The following NCKIPSD variants were observed in gnomAD, a reference collection of about 807,000 sequenced individuals.
NCKIPSD encodes NCK interacting protein with SH3 domain, also known as NCK-interacting protein with SH3 domain.
Under a neutral mutation model 73.4 loss-of-function variants are expected in NCKIPSD, and 48 were observed. The observed-to-expected ratio is 0.65, with a 90% confidence interval of 0.52 to 0.83. NCKIPSD has a LOEUF of 0.83. NCKIPSD is among the 40% of genes least tolerant of loss of function. The pLI is 0.00. For missense variants in NCKIPSD, 884 were observed against 970.2 expected, an observed-to-expected ratio of 0.91 and a Z score of 1.18; for synonymous variants, 422 against 403.6, an observed-to-expected ratio of 1.05 and a Z score of -0.54.
At chr3:48,679,504 A>C (rs1244028457) in intron 8 of NCKIPSD, 47 bp from the exon 9 acceptor site, 7 of 1,606,286 alleles carry the variant, frequency 4.4e-6, no homozygotes, top group Non-Finnish European at 6.0e-6. Context: ...GATGGCAGGA[A>C]ACCCCAGCAG....
Position 48,681,273 on chromosome 3 carries a change from C to A in NCKIPSD, c.1092+14G>T. On this transcript the variant is annotated intron_variant, in intron 5 of 12. Transcript: ENST00000294129. ...TGGGTAGCAGGGTGGCCCTGCTGTG[C>A]CGCCCACCCTCACCTTGCCCTCTAC... 1 of 1,567,390 alleles carries A rather than the reference C, an allele frequency of 6.4e-7. No individual in the cohort carries two copies. The highest frequency in any genetic ancestry group is 8.6e-7 in the Non-Finnish European group (1 of 1,161,182).
chr3:48,680,133 G>T lies in NCKIPSD; in HGVS notation c.1189C>A (p.Gln397Lys). 6.2e-7 allele frequency: 1 copy of T among 1,614,086 alleles called. No individual in the cohort carries two copies. Among genetic ancestry groups the T allele is most frequent in the Non-Finnish European group, 8.5e-7 (1 of 1,180,018 alleles). The change falls in exon 6 of 13, where the codon CAG (glutamine) becomes AAG (lysine). Residue 397 changes from glutamine to lysine, a missense_variant. Transcript: ENST00000294129. The part of the protein sequence containing the change: ...ADLARRKDDA[Q>K]QRSWALYEDE... ...TCATATAGTGCCCAACTGCGCTGCTGGGCGTCGTCCTTCCGGCGAGCCAGG... is the reference window on the plus strand; with the variant it reads ...TCATATAGTGCCCAACTGCGCTGCTTGGCGTCGTCCTTCCGGCGAGCCAGG...
chr3:48,678,659 T>G lies in NCKIPSD; in HGVS notation c.1870A>C (p.Ser624Arg), dbSNP rs758661166. The part of the protein sequence containing the change: ...VLKFLQDVFG[S>R]PATAAIFYHT... ...TAGAAGATGGCAGCTGTGGCCGGGC[T>G]GCCAAACACGTCCTGCAGGAACTTG... The change falls in exon 12 of 13, where the codon AGC (serine) becomes CGC (arginine). Residue 624 changes from serine (S) to arginine (R), a missense_variant. Ser to Arg is a moderately radical substitution (Grantham distance 110). Coordinates refer to ENST00000294129, the MANE Select transcript of NCKIPSD (RefSeq NM_016453.4). 1.5e-5 allele frequency: 24 copies of G among 1,614,096 alleles called. No individual in the cohort carries two copies. The highest frequency in any genetic ancestry group is 2.0e-5 in the Non-Finnish European group (24 of 1,180,046).
At chr3:48,681,903 A>G in intron 4 of NCKIPSD, 123 bp from the exon 5 acceptor site, 1 of 1,456,102 alleles carries the variant, frequency 6.9e-7, no homozygotes, top group Non-Finnish European at 9.1e-7. Flanking sequence ...CCTCCTCACA[A>G]AGCCCAGAGC....
chr3:48,682,701 A>G, intron 2 of NCKIPSD, 149 bp from the exon 3 acceptor site: 2 of 1,144,966 alleles, frequency 1.7e-6, no homozygotes, highest in Admixed American at 4.3e-5. Flanking sequence ...AGTACCCCAT[A>G]CTATCCTCAG....
At chr3:48,675,290 A>G (rs988468725) in intron 12 of NCKIPSD, among the ~76,000 whole-genome samples, 2 of 151,920 alleles carry the variant, frequency 1.3e-5, no homozygotes, top group Admixed American at 6.6e-5. Context: ...ACCTTTAGAA[A>G]GAGCACTGTT....
intron 12 of NCKIPSD, among the ~76,000 whole-genome samples, chr3:48,675,273 T>C (rs911585293): frequency 3.3e-5 from 5 of 151,986 alleles, no homozygotes; most frequent in African/African-American, 4.8e-5. Context: ...GGTTTTCTCA[T>C]GTTCTTACCT....
chr3:48,685,745 GC>G lies in NCKIPSD; in HGVS notation c.62del (p.Gly21AlafsTer7). On this transcript the variant is annotated frameshift_variant, in exon 1 of 13. Coordinates refer to ENST00000294129, the MANE Select transcript of NCKIPSD (RefSeq NM_016453.4). LOFTEE classifies it high-confidence loss of function. ...AEPNALAFAA[G>X]ETFLVLERSS... is the part of the protein sequence containing the mutation. ...TTCGCTCTAGCACCAGGAAGGTCTC[GC>G]CCGCGGCGAACGCCAGCGCGTTGGG... 1.3e-6 allele frequency: 2 copies of G among 1,532,070 alleles called. No individual in the cohort carries two copies. The highest frequency in any genetic ancestry group is 1.7e-6 in the Non-Finnish European group (2 of 1,147,640). 94.9% of individuals were successfully genotyped at this position (1,532,070 alleles called of 1,614,324 possible). A position where few individuals can be genotyped will look rare whatever the true frequency, so the allele number is the denominator to read the frequency against.
At chr3:48,678,788 G>A in intron 11 of NCKIPSD, 52 bp from the exon 12 acceptor site, 1 of 1,611,404 alleles carries the variant, frequency 6.2e-7, no homozygotes, top group Non-Finnish European at 8.5e-7. Flanking sequence ...GGATCCCAGA[G>A]TCACCCCAGG....
chr3:48,685,469 A>G (rs552265006), intron 1 of NCKIPSD, among the ~76,000 whole-genome samples, 168 bp downstream of exon 1: 1 of 152,184 alleles, frequency 6.6e-6, no homozygotes, highest in East Asian at 1.9e-4. Context: ...TTGGGGTCTC[A>G]GTCCCCGTGG....
intron 2 of NCKIPSD, 149 bp from the exon 3 acceptor site, chr3:48,682,701 A>T (rs1445937478): frequency 1.0e-5 from 12 of 1,144,846 alleles, no homozygotes; most frequent in Non-Finnish European, 1.4e-5. Context: ...AGTACCCCAT[A>T]CTATCCTCAG....
chr3:48,681,849 C>A, intron 4 of NCKIPSD, 69 bp from the exon 5 acceptor site: 2 of 1,459,568 alleles, frequency 1.4e-6, no homozygotes, highest in South Asian at 1.4e-5. Flanking sequence ...CAGCCCAGAT[C>A]CCCTGTCCCC....
Position 48,674,347 on chromosome 3 carries a change from C to T in NCKIPSD, c.*197G>A. ...CTTTAGCTTGCATATTCCCCCTGCC[C>T]CAGAACAGCTCCCAGACCATGGTCC... is the stretch of plus-strand genomic sequence containing the variant. On this transcript the variant is annotated 3_prime_UTR_variant, in exon 13 of 13. Coordinates refer to ENST00000294129, the MANE Select transcript of NCKIPSD (RefSeq NM_016453.4). 1 of 1,430,242 alleles carries T rather than the reference C, an allele frequency of 7.0e-7. No homozygotes were observed. 88.6% of individuals were successfully genotyped at this position (1,430,242 alleles called of 1,614,324 possible).
rs1483675413 is a variant in NCKIPSD at position 48,681,293 on chromosome 3, C to G, written c.1086G>C (p.Glu362Asp). Reference protein sequence around the residue: ...VMEQVLLSLVEGKDLSMALPS... With the variant: ...VMEQVLLSLVDGKDLSMALPS... ...CTGTGCCGCCCACCCTCACCTTGCCCTCTACGAGTGAGAGGAGGACCTGCT... is the reference window on the plus strand; with the variant it reads ...CTGTGCCGCCCACCCTCACCTTGCCGTCTACGAGTGAGAGGAGGACCTGCT... Residue 362 changes from glutamate to aspartate, a missense_variant, in exon 5 of 13, where the codon GAG becomes GAC. Coordinates refer to ENST00000294129, the MANE Select transcript of NCKIPSD (RefSeq NM_016453.4). The G allele has an allele frequency of 6.2e-7, 1 of 1,602,176 alleles. No individual in the cohort carries two copies. The highest frequency in any genetic ancestry group is 8.5e-7 in the Non-Finnish European group (1 of 1,176,566).
At chr3:48,674,964 T>C (rs1039938704) in intron 12 of NCKIPSD, among the ~76,000 whole-genome samples, 1 of 152,110 alleles carries the variant, frequency 6.6e-6, no homozygotes, top group African/African-American at 2.4e-5. Flanking sequence ...CAGCCCCAAG[T>C]ATGTGGCCTG....
intron 1 of NCKIPSD, among the ~76,000 whole-genome samples, chr3:48,684,223 GAC>G (rs2077400927): frequency 6.6e-6 from 1 of 152,102 alleles, no homozygotes; most frequent in Admixed American, 6.5e-5. Flanking sequence ...GACAGAAAGA[GAC>G]ACGCAGAAAG....
chr3:48,682,984 A>G lies in NCKIPSD; in HGVS notation c.200T>C (p.Ile67Thr), dbSNP rs2077380565. 1 of 1,551,172 alleles carries G rather than the reference A, an allele frequency of 6.4e-7. No individual in the cohort carries two copies. Among genetic ancestry groups the G allele is most frequent in the Non-Finnish European group, 8.7e-7 (1 of 1,147,376 alleles). Residue 67 changes from isoleucine to threonine, a missense_variant, in exon 2 of 13, where the codon ATT becomes ACT. Transcript: ENST00000294129. ...GTGTACAGCCTCGATGGCCCGGTCA[A>G]TGGCCTGGAGGACATCCTGCTCCAG... is the stretch of plus-strand genomic sequence containing the variant. ...QGLEQDVLQA[I>T]DRAIEAVHNT...
Position 48,682,525 on chromosome 3 carries a change from G to C in NCKIPSD, c.309C>G (p.Thr103=). Reference sequence around the variant, plus strand: ...AGGCTGAAGGGCCTCTGCGTGACAGGGTCTCTTTCCGGTGGTGGATCAGCT... The same window carrying C: ...AGGCTGAAGGGCCTCTGCGTGACAGCGTCTCTTTCCGGTGGTGGATCAGCT... The part of the protein sequence containing the change: ...LQKLIHHRKE[T]LSRRGPSASS... Residue 103 remains threonine, a synonymous_variant, in exon 3 of 13, where the codon ACC becomes ACG. Transcript: ENST00000294129. 6 of 1,614,072 alleles carry C rather than the reference G, an allele frequency of 3.7e-6. No homozygotes were observed. Among genetic ancestry groups the C allele is most frequent in the South Asian group, 1.1e-5 (1 of 91,082 alleles).
At chr3:48,675,528 G>GATATATC (rs2077240537) in intron 12 of NCKIPSD, among the ~76,000 whole-genome samples, 1 of 122,300 alleles carries the variant, frequency 8.2e-6, no homozygotes, top group South Asian at 2.5e-4. Context: ...ATATATATAT[G>GATATATC]ATATATATAT....
Sources: allele counts gnomAD v4.1 joint callset (sites outside exome capture counted in the v4.1 genomes callset), GRCh38; gene constraint gnomAD v4.1.1; transcripts MANE v1.5; gene names NCBI Gene and HGNC (gene_info 2026-07-23, HGNC 2026-07-21).